SORCS3: variants seen among roughly 807,000 people sequenced by gnomAD.
The protein encoded by SORCS3 is sortilin related VPS10 domain containing receptor 3.
SORCS3 carries 57 observed loss-of-function variants against 146.3 expected under a neutral mutation model. The ratio of observed to expected loss-of-function variants is 0.39; its 90% CI spans 0.31 to 0.49. The LOEUF is 0.49. Ranked by LOEUF, SORCS3 falls within the 20% of genes least tolerant of loss-of-function variation. The pLI is 0.92. For synonymous variants in SORCS3, 653 were observed against 618.5 expected (o/e 1.06, Z -0.83); for missense variants, 1,341 against 1,575.5 (o/e 0.85, Z 2.52).
At chr10:105,231,403 G>C (rs1444323386) in intron 20 of SORCS3, among the ~76,000 whole-genome samples, 1 of 152,146 alleles carries the variant, frequency 6.6e-6, no homozygotes, top group African/African-American at 2.4e-5. Context: ...TTAGTCCCAG[G>C]AGATTTTTGC....
intron 1 of SORCS3, among the ~76,000 whole-genome samples, chr10:104,656,071 T>C (rs1448191537): frequency 1.3e-5 from 2 of 152,174 alleles, no homozygotes. Flanking sequence ...TAGTGAGCAG[T>C]GCTCTGATTG....
intron 4 of SORCS3, among the ~76,000 whole-genome samples, chr10:105,004,000 C>CTTTTTTTTTTTTTTTTTTTTTTTTT (rs1226455197): frequency 7.1e-6 from 1 of 140,228 alleles, no homozygotes; most frequent in Non-Finnish European, 1.5e-5. Context: ...TCTTCTCTCT[C>CTTTTTTTTTTTTTTTTTTTTTTTTT]TTTTTTTTTT....
chr10:104,962,181 G>A (rs575654251), intron 3 of SORCS3, among the ~76,000 whole-genome samples: 30 of 152,248 alleles, frequency 2.0e-4, no homozygotes, highest in Admixed American at 1.4e-3. Context: ...GGACTTGAAG[G>A]AAGGCAGGGA....
intron 1 of SORCS3, among the ~76,000 whole-genome samples, chr10:104,750,833 T>G (rs2016974461): frequency 6.6e-6 from 1 of 152,208 alleles, no homozygotes; most frequent in Admixed American, 6.5e-5. Context: ...AGGTTCACTA[T>G]GAGTCAATTC....
At chr10:105,102,506 C>G (rs760000454) in intron 6 of SORCS3, among the ~76,000 whole-genome samples, 1 of 152,056 alleles carries the variant, frequency 6.6e-6, no homozygotes, top group Non-Finnish European at 1.5e-5. Context: ...AAAAAGGGAG[C>G]AACAGACACC....
At chr10:104,822,506 A>G (rs552303800) in intron 1 of SORCS3, among the ~76,000 whole-genome samples, 12 of 152,304 alleles carry the variant, frequency 7.9e-5, no homozygotes, top group Admixed American at 7.2e-4. Flanking sequence ...TACATGAGAG[A>G]GGGCTCTTAA....
At chr10:105,213,010 C>T (rs1346884235) in intron 17 of SORCS3, among the ~76,000 whole-genome samples, 1 of 151,894 alleles carries the variant, frequency 6.6e-6, no homozygotes, top group Non-Finnish European at 1.5e-5. Context: ...TTTCTTTAAC[C>T]CAAAATTTCC....
intron 2 of SORCS3, among the ~76,000 whole-genome samples, chr10:104,902,973 C>T (rs1212831748): frequency 6.6e-6 from 1 of 152,194 alleles, no homozygotes; most frequent in African/African-American, 2.4e-5. Flanking sequence ...ACCCCCTGAG[C>T]AGGTGAATCA....
intron 1 of SORCS3, among the ~76,000 whole-genome samples, chr10:104,792,012 T>A (rs1382321878): frequency 6.6e-6 from 1 of 152,162 alleles, no homozygotes; most frequent in East Asian, 1.9e-4. Context: ...CCTCTTTTTT[T>A]TCCCCTAACA....
At chr10:105,121,484 GACAAT>G (rs2055932624) in intron 7 of SORCS3, among the ~76,000 whole-genome samples, 1 of 152,148 alleles carries the variant, frequency 6.6e-6, no homozygotes, top group East Asian at 1.9e-4. Context: ...GACACAAGAG[GACAAT>G]GATTGATTTC....
At chr10:104,945,817 C>T (rs2019365035) in intron 3 of SORCS3, among the ~76,000 whole-genome samples, 2 of 151,538 alleles carry the variant, frequency 1.3e-5, no homozygotes, top group Admixed American at 6.6e-5. Flanking sequence ...GTGTTTGCTC[C>T]ATCACATATT....
chr10:104,832,595 G>A (rs2018013325), intron 1 of SORCS3, among the ~76,000 whole-genome samples: 1 of 152,146 alleles, frequency 6.6e-6, no homozygotes, highest in African/African-American at 2.4e-5. Flanking sequence ...ACACGTGCTC[G>A]TAATTCCAGC....
intron 1 of SORCS3, among the ~76,000 whole-genome samples, chr10:104,766,502 C>G (rs2017181209): frequency 6.6e-6 from 1 of 152,180 alleles, no homozygotes; most frequent in African/African-American, 2.4e-5. Flanking sequence ...GGGGCTGTGT[C>G]TTTGTGTTCA....
intron 19 of SORCS3, among the ~76,000 whole-genome samples, chr10:105,218,097 C>A (rs1011432586): frequency 2.0e-5 from 3 of 152,212 alleles, no homozygotes; most frequent in African/African-American, 7.2e-5. Context: ...TAAGAGGTCC[C>A]TGGCAAACAG....
chr10:105,237,349 C>T (rs2056798598), intron 20 of SORCS3, among the ~76,000 whole-genome samples: 1 of 152,072 alleles, frequency 6.6e-6, no homozygotes, highest in Admixed American at 6.6e-5. Flanking sequence ...TCAAGTATTG[C>T]TGCAAGGATT....
intron 6 of SORCS3, among the ~76,000 whole-genome samples, chr10:105,102,103 C>T (rs2055789014): frequency 6.6e-6 from 1 of 152,108 alleles, no homozygotes; most frequent in African/African-American, 2.4e-5. Context: ...GTCCTTAAAG[C>T]ATGTTGGACA....
At chr10:104,868,285 C>T (rs2133565999) in intron 2 of SORCS3, among the ~76,000 whole-genome samples, 1 of 152,310 alleles carries the variant, frequency 6.6e-6, no homozygotes, top group East Asian at 1.9e-4. Flanking sequence ...ATTAACACAT[C>T]ATTGAGAAAC....
At chr10:104,679,720 CTTGATTGCAACATTCCATTTCTTTCCT>C in intron 1 of SORCS3, among the ~76,000 whole-genome samples, 1 of 152,266 alleles carries the variant, frequency 6.6e-6, no homozygotes, top group East Asian at 1.9e-4. Flanking sequence ...GCCGAGGGCT[CTTGATTGCAACATTCCATTTCTTTCCT>C]TCTGCCTTGG....
chr10:104,943,920 T>G (rs1224385316), intron 3 of SORCS3, among the ~76,000 whole-genome samples: 5 of 151,802 alleles, frequency 3.3e-5, no homozygotes, highest in Admixed American at 3.3e-4. Flanking sequence ...GTTGCTTGAG[T>G]TTTTTGCTTT....
Sources: allele counts gnomAD v4.1 joint callset (sites outside exome capture counted in the v4.1 genomes callset), GRCh38; gene constraint gnomAD v4.1.1; transcripts MANE v1.5; gene names NCBI Gene and HGNC (gene_info 2026-07-23, HGNC 2026-07-21).